Variants in INSR observed in about 807,000 individuals in gnomAD.
The protein encoded by INSR is IR.
Under a neutral mutation model 142.6 loss-of-function variants are expected in INSR, and 67 were observed. That is an observed-to-expected ratio of 0.47 (90% CI 0.39 to 0.58). The LOEUF (loss-of-function observed/expected upper bound fraction) is 0.58, where lower values mean the gene tolerates loss of function less well. INSR is among the 20% of genes least tolerant of loss of function. The pLI is 0.00. For missense variants in INSR, 1,248 were observed against 1,833.2 expected (o/e 0.68, Z 5.83); for synonymous variants, 756 against 743.1 (o/e 1.02, Z -0.28).
intron 2 of INSR, among the ~76,000 whole-genome samples, chr19:7,253,719 A>G (rs955586697): frequency 6.6e-6 from 1 of 152,220 alleles, no homozygotes; most frequent in African/African-American, 2.4e-5. Flanking sequence ...CACTCTTGAC[A>G]TCATTTATGT....
intron 2 of INSR, among the ~76,000 whole-genome samples, chr19:7,234,974 C>G (rs374824092): frequency 6.6e-6 from 1 of 151,938 alleles, no homozygotes; most frequent in African/African-American, 2.4e-5. Flanking sequence ...AGGAGAATGG[C>G]GTGAACCCGG....
chr19:7,227,478 G>T (rs1046301973), intron 2 of INSR, among the ~76,000 whole-genome samples: 1 of 152,062 alleles, frequency 6.6e-6, no homozygotes, highest in African/African-American at 2.4e-5. Context: ...TCACCAAGTT[G>T]CCCAGGCTGG....
chr19:7,250,464 AAG>A lies in INSR; in HGVS notation c.652+16879_652+16880del, dbSNP rs938860005. ...AAGAAAGAAGAAAGAAAAGGAAGAA[AAG>A]AAAGAAAGAAAAGAAAGAGAAGGAA... On this transcript the variant is annotated intron_variant, in intron 2 of 21. Transcript: ENST00000302850. Among the ~76,000 whole-genome samples, 77 of 75,154 alleles carry A rather than the reference AAG, an allele frequency of 1.0e-3. 1 individual carries two copies. The highest frequency in any genetic ancestry group is 2.9e-3 in the African/African-American group (71 of 24,670). 49.3% of individuals were successfully genotyped at this position (75,154 alleles called of 152,430 possible). A position where few individuals can be genotyped will look rare whatever the true frequency, so the allele number is the denominator to read the frequency against.
At chr19:7,263,513 G>A (rs1038434684) in intron 2 of INSR, among the ~76,000 whole-genome samples, 7 of 152,136 alleles carry the variant, frequency 4.6e-5, no homozygotes, top group African/African-American at 1.7e-4. Flanking sequence ...CCTTCTCCGG[G>A]TAACAAAACC....
chr19:7,231,452 C>T (rs751978649), intron 2 of INSR, among the ~76,000 whole-genome samples: 2 of 151,946 alleles, frequency 1.3e-5, no homozygotes, highest in Non-Finnish European at 2.9e-5. Flanking sequence ...AGGTCCCCAA[C>T]ACCACGCCCT....
At chr19:7,204,552 A>G (rs1316864217) in intron 2 of INSR, among the ~76,000 whole-genome samples, 1 of 152,170 alleles carries the variant, frequency 6.6e-6, no homozygotes, top group East Asian at 1.9e-4. Flanking sequence ...GTTGATTTCA[A>G]CAAAAGAAAG....
At chr19:7,160,180 G>A (rs965673476) in intron 9 of INSR, among the ~76,000 whole-genome samples, 2 of 151,868 alleles carry the variant, frequency 1.3e-5, no homozygotes, top group African/African-American at 4.8e-5. Context: ...CTTAGATGGA[G>A]TTTTGCTTTT....
intron 1 of INSR, chr19:7,268,437 G>A (rs1391130934): frequency 2.0e-6 from 2 of 985,080 alleles, no homozygotes; most frequent in Middle Eastern, 5.2e-4. Context: ...GGCTTCCCAG[G>A]GAGCCCGATC....
At chr19:7,293,763 C>T in intron 1 of INSR, 29 bp downstream of exon 1, 2 of 1,326,020 alleles carry the variant, frequency 1.5e-6, no homozygotes, top group East Asian at 3.3e-5. Context: ...CGCGGCGCTC[C>T]CCGCCCACGC....
intron 2 of INSR, among the ~76,000 whole-genome samples, chr19:7,226,277 G>A (rs1975776819): frequency 1.3e-5 from 2 of 152,018 alleles, no homozygotes; most frequent in Non-Finnish European, 2.9e-5. Context: ...GGGCATGGTG[G>A]CGTGTGCCTG....
chr19:7,214,620 G>C (rs1975375580), intron 2 of INSR, among the ~76,000 whole-genome samples: 1 of 152,092 alleles, frequency 6.6e-6, no homozygotes, highest in Admixed American at 6.6e-5. Flanking sequence ...TGCAGCCCAA[G>C]GAACAAAATC....
intron 1 of INSR, among the ~76,000 whole-genome samples, chr19:7,283,353 G>A (rs746864908): frequency 8.5e-5 from 13 of 152,090 alleles, no homozygotes; most frequent in Non-Finnish European, 1.5e-4. Flanking sequence ...TCAACCCAGC[G>A]GTTTCCACGC....
intron 2 of INSR, among the ~76,000 whole-genome samples, chr19:7,244,682 T>C (rs1200876466): frequency 2.0e-5 from 3 of 152,202 alleles, no homozygotes; most frequent in Non-Finnish European, 2.9e-5. Context: ...AATCCTAATG[T>C]AACATTATAG....
intron 8 of INSR, among the ~76,000 whole-genome samples, chr19:7,163,925 T>TAAAAA (rs748862314): frequency 0.017 from 753 of 44,580 alleles, 35 homozygotes; most frequent in Non-Finnish European, 0.02. Context: ...CTATCTCTAC[T>TAAAAA]AAAAAAAAAA....
chr19:7,178,052 T>C (rs530975324), intron 3 of INSR, among the ~76,000 whole-genome samples: 12 of 152,068 alleles, frequency 7.9e-5, no homozygotes, highest in Non-Finnish European at 1.8e-4. Context: ...GGTGGCATCC[T>C]TGTTGCTGCT....
rs1399400280 is a variant in INSR at position 7,116,808 on chromosome 19, C to T, written c.*248G>A. On this transcript the variant is annotated 3_prime_UTR_variant, in exon 22 of 22. Transcript: ENST00000302850. ...ACACAAAATCCTGGTTTGAAACCGT[C>T]GTTGCCCCAAAGGAGCAGCAACTGT... 2 of 393,746 alleles carry T rather than the reference C, an allele frequency of 5.1e-6. No homozygotes were observed. The highest frequency in any genetic ancestry group is 8.6e-5 in the Admixed American group (2 of 23,350). 24.4% of individuals were successfully genotyped at this position (393,746 alleles called of 1,614,324 possible). A position where few individuals can be genotyped will look rare whatever the true frequency, so the allele number is the denominator to read the frequency against.
chr19:7,120,576 G>A (rs762413781), intron 20 of INSR, 44 bp downstream of exon 20: 2 of 1,612,338 alleles, frequency 1.2e-6, no homozygotes, highest in Non-Finnish European at 1.7e-6. Context: ...CTAGCACCTG[G>A]AATTCAAGCC....
At chr19:7,186,022 C>T (rs1306657293) in intron 2 of INSR, among the ~76,000 whole-genome samples, 1 of 151,514 alleles carries the variant, frequency 6.6e-6, no homozygotes, top group African/African-American at 2.4e-5. Flanking sequence ...TGGTGAAACC[C>T]CATCTCTACT....
In INSR at chr19:7,125,814, C is replaced by T. The variant is rs1410096617; in HGVS notation, c.3014-287G>A. On this transcript the variant is annotated intron_variant, in intron 16 of 21. Transcript: ENST00000302850. This position sits in a 1 kb window ranked among gnomAD's most constrained non-coding sequence, Gnocchi z 4.9. ...CCCATCCTTCTTGTCTGATTTCAGACCCTTGCTATGGAATGATGCTACTTC... is the reference window on the plus strand; with the variant it reads ...CCCATCCTTCTTGTCTGATTTCAGATCCTTGCTATGGAATGATGCTACTTC... Among the ~76,000 whole-genome samples, 1 of 152,042 alleles carries T rather than the reference C, an allele frequency of 6.6e-6. No homozygotes were observed.
Sources: gnomAD v4.1 joint callset for allele counts (sites outside exome capture counted in the v4.1 genomes callset) on GRCh38, gnomAD v4.1.1 for gene constraint, Gnocchi (gnomAD v3.1) non-coding constraint, MANE v1.5 for transcripts, NCBI Gene and HGNC (gene_info 2026-07-23, HGNC 2026-07-21) for gene names.